Variants in IQSEC1 observed in about 807,000 individuals in gnomAD.
IQSEC1 encodes IQ motif and Sec7 domain ArfGEF 1, also known as IQ motif and SEC7 domain-containing protein 1.
IQSEC1 carries 31 observed loss-of-function variants against 91.0 expected under a neutral mutation model. The observed-to-expected ratio is 0.34, with a 90% CI of 0.26 to 0.46. The LOEUF (loss-of-function observed/expected upper bound fraction) is 0.46, where lower values mean the gene tolerates loss of function less well. Among genes scored for constraint, IQSEC1 ranks in the 20% least tolerant of loss-of-function variants. The pLI is 1.00. For missense variants in IQSEC1, 1,388 were observed against 1,575.6 expected (o/e 0.88, Z 2.02); for synonymous variants, 699 against 662.6 (o/e 1.05, Z -0.84).
At chr3:13,173,050 C>T (rs770176294) in intron 1 of IQSEC1, among the ~76,000 whole-genome samples, 2 of 152,240 alleles carry the variant, frequency 1.3e-5, no homozygotes, top group Non-Finnish European at 2.9e-5. Flanking sequence ...GGCCACTTTT[C>T]ACCAAACCAG....
intron 6 of IQSEC1, among the ~76,000 whole-genome samples, chr3:12,917,257 G>A (rs916894867): frequency 8.5e-5 from 13 of 152,244 alleles, no homozygotes; most frequent in Non-Finnish European, 1.8e-4. Context: ...AGCGTCACCC[G>A]AGGTCCATGT....
chr3:13,072,020 A>G (rs1160965890), intron 1 of IQSEC1, among the ~76,000 whole-genome samples: 1 of 152,232 alleles, frequency 6.6e-6, no homozygotes, highest in East Asian at 1.9e-4. Context: ...AGGGGCCTCC[A>G]TCGATTAGGG....
At chr3:13,195,136 A>C (rs1408282672) in intron 1 of IQSEC1, among the ~76,000 whole-genome samples, 3 of 152,226 alleles carry the variant, frequency 2.0e-5, no homozygotes, top group African/African-American at 4.8e-5. Flanking sequence ...AAAATGTTCA[A>C]AATTGAACAG....
intron 2 of IQSEC1, among the ~76,000 whole-genome samples, chr3:13,101,204 G>A (rs1706056397): frequency 6.6e-6 from 1 of 152,168 alleles, no homozygotes; most frequent in Admixed American, 6.5e-5. Context: ...CTTCTAGGCT[G>A]GGCGCGGTGG....
Position 12,981,463 on chromosome 3 carries a change from G to A in IQSEC1, c.24-39598C>T, listed in dbSNP as rs570923693. Among the ~76,000 whole-genome samples, 8 of 152,222 alleles carry A rather than the reference G, an allele frequency of 5.3e-5. No individual in the cohort carries two copies. The East Asian group carries it at 1.5e-3, about 29-fold the overall frequency. On this transcript the variant is annotated intron_variant, in intron 1 of 13. Coordinates refer to ENST00000613206, the MANE Select transcript of IQSEC1 (RefSeq NM_001134382.3). ...AATAACACGAGACATCTCTGGGGGG[G>A]AGAACCGGCTGCTGGGGGACTAGTG...
intron 1 of IQSEC1, among the ~76,000 whole-genome samples, chr3:13,237,451 C>A (rs1314186570): frequency 6.6e-6 from 1 of 152,226 alleles, no homozygotes; most frequent in African/African-American, 2.4e-5. Flanking sequence ...TATTTATTCC[C>A]TCGGTTCCTG....
Position 12,967,451 on chromosome 3 carries a change from T to C in IQSEC1, c.24-25586A>G, listed in dbSNP as rs762507396. Reference sequence around the variant, plus strand: ...TCCGAGTTGCAGTGCAGGCACCACATGGCGGCCGCAGTGGGAGCGGGCCGG... The same window carrying C: ...TCCGAGTTGCAGTGCAGGCACCACACGGCGGCCGCAGTGGGAGCGGGCCGG... On this transcript the variant is annotated intron_variant, in intron 1 of 13. Transcript: ENST00000613206. The surrounding 1 kb of genome is among the most constrained non-coding windows in gnomAD (Gnocchi z 5.9). 2 of 1,519,084 alleles carry C rather than the reference T, an allele frequency of 1.3e-6. No homozygotes were observed. The highest frequency in any genetic ancestry group is 2.3e-4 in the Middle Eastern group (1 of 4,318). 94.1% of individuals were successfully genotyped at this position (1,519,084 alleles called of 1,614,324 possible).
intron 2 of IQSEC1, among the ~76,000 whole-genome samples, chr3:13,156,924 A>C (rs1262193350): frequency 6.6e-6 from 1 of 152,224 alleles, no homozygotes; most frequent in Non-Finnish European, 1.5e-5. Context: ...GAGTGTGATG[A>C]CCACAGTGAT....
At chr3:13,174,650 A>C (rs1214598084) in intron 1 of IQSEC1, among the ~76,000 whole-genome samples, 3 of 151,262 alleles carry the variant, frequency 2.0e-5, no homozygotes, top group Admixed American at 1.3e-4. Flanking sequence ...CACCAGCAGC[A>C]CTCCCTCTAA....
intron 1 of IQSEC1, among the ~76,000 whole-genome samples, chr3:13,053,480 G>C (rs1265008739): frequency 6.6e-6 from 1 of 152,240 alleles, no homozygotes; most frequent in Non-Finnish European, 1.5e-5. Flanking sequence ...AGGCAGCTCT[G>C]AGCTGTCTCA....
intron 2 of IQSEC1, among the ~76,000 whole-genome samples, chr3:13,080,699 T>C (rs114714143): frequency 0.077 from 11,784 of 152,160 alleles, 508 homozygotes; most frequent in Middle Eastern, 0.22. Flanking sequence ...CAACGGCCAC[T>C]TCCCTGGGCA....
chr3:13,137,351 C>T (rs751974936), intron 2 of IQSEC1, among the ~76,000 whole-genome samples: 38 of 152,064 alleles, frequency 2.5e-4, no homozygotes, highest in Non-Finnish European at 3.8e-4. Flanking sequence ...TTCACATCAG[C>T]GAAAATAAAC....
At chr3:13,202,033 C>A (rs1469208485) in intron 1 of IQSEC1, among the ~76,000 whole-genome samples, 6 of 152,230 alleles carry the variant, frequency 3.9e-5, no homozygotes, top group African/African-American at 1.4e-4. Flanking sequence ...GCAGCCGCTG[C>A]CAAGAGGAGT....
chr3:12,915,202 A>G, intron 7 of IQSEC1, 69 bp from the exon 8 acceptor site: 1 of 1,508,874 alleles, frequency 6.6e-7, no homozygotes, highest in Non-Finnish European at 9.1e-7. Context: ...CAATGCTGCA[A>G]GTGCCCCTCC....
intron 2 of IQSEC1, among the ~76,000 whole-genome samples, chr3:13,102,854 G>T (rs1706087647): frequency 6.6e-6 from 1 of 152,214 alleles, no homozygotes; most frequent in African/African-American, 2.4e-5. Flanking sequence ...GCTGAGGGCT[G>T]TGCCTGCCAC....
chr3:13,039,087 C>G (rs1258763532), intron 1 of IQSEC1, among the ~76,000 whole-genome samples: 2 of 152,206 alleles, frequency 1.3e-5, no homozygotes, highest in Non-Finnish European at 2.9e-5. Context: ...TATTTTCTTC[C>G]CACCTGAACT....
At chr3:13,247,061 C>T (rs1040274941) in intron 1 of IQSEC1, among the ~76,000 whole-genome samples, 29 of 152,188 alleles carry the variant, frequency 1.9e-4, no homozygotes, top group Non-Finnish European at 3.4e-4. Flanking sequence ...CCAGCTGTCT[C>T]GCTGTGGGTG....
chr3:12,977,316 C>T (rs925071402), intron 1 of IQSEC1, among the ~76,000 whole-genome samples: 2 of 151,342 alleles, frequency 1.3e-5, no homozygotes, highest in African/African-American at 4.9e-5. Context: ...CCACTGCACT[C>T]CAGCCTGGGC....
At chr3:12,981,537 A>C (rs890119231) in intron 1 of IQSEC1, among the ~76,000 whole-genome samples, 1 of 152,228 alleles carries the variant, frequency 6.6e-6, no homozygotes, top group African/African-American at 2.4e-5. Context: ...AAGTAGAAAC[A>C]ACAGGGGGAA....
Sources: gnomAD v4.1 joint callset for allele counts (sites outside exome capture counted in the v4.1 genomes callset) on GRCh38, gnomAD v4.1.1 for gene constraint, Gnocchi (gnomAD v3.1) non-coding constraint, MANE v1.5 for transcripts, NCBI Gene and HGNC (gene_info 2026-07-23, HGNC 2026-07-21) for gene names.